Variants in ZNF91 observed in about 807,000 individuals in gnomAD.
ZNF91 encodes zinc finger protein 91 (HPF7, HTF10).
In ZNF91, 7 loss-of-function variants were observed where a neutral mutation model predicts 12.6. The ratio of observed to expected loss-of-function variants is 0.55; its 90% CI spans 0.31 to 1.04. ZNF91 has a LOEUF of 1.04. ZNF91 is among the 50% of genes least tolerant of loss of function. The pLI, the probability that ZNF91 is intolerant of heterozygous loss-of-function variation, is 0.05. For synonymous variants in ZNF91, 453 were observed against 462.6 expected, an observed-to-expected ratio of 0.98 and a Z score of 0.27; for missense variants, 1,217 against 1,385.4, an observed-to-expected ratio of 0.88 and a Z score of 1.93.
chr19:23,352,263 C>T (rs74254896), intron 3 of ZNF91, among the ~76,000 whole-genome samples: 13,920 of 152,084 alleles, frequency 0.092, 864 homozygotes, highest in African/African-American at 0.17. Flanking sequence ...TTATGACTGC[C>T]GGCTTTCCCC....
In ZNF91 at chr19:23,362,109, T is replaced by C; in HGVS notation, c.870A>G (p.Gly290=). ...ATTCTTCACATTTGTAGGGTTTCTC[T>C]CCAGTGTGTATCCTCTTATGTCTAG... ...TLTRHKRIHT[G]EKPYKCEECG... The change falls in exon 4 of 4, where the codon GGA becomes GGG. Residue 290 remains glycine (G), a synonymous_variant. Transcript: ENST00000300619. 2 of 1,614,130 alleles carry C rather than the reference T, an allele frequency of 1.2e-6. No homozygotes were observed. The highest frequency in any genetic ancestry group is 1.7e-6 in the Non-Finnish European group (2 of 1,180,002).
intron 1 of ZNF91, among the ~76,000 whole-genome samples, chr19:23,322,835 ACCTCCTCCTCCACTTCTCCCCCACCT>A (rs1443033700): frequency 1.7e-3 from 20 of 12,054 alleles, no homozygotes; most frequent in African/African-American, 2.6e-3. Context: ...CTTCTCCCCC[ACCTCCTCCTCCACTTCTCCCCCACCT>A]CCTCCTCCAC....
chr19:23,392,970 T>C (rs1269413727), intron 1 of ZNF91, among the ~76,000 whole-genome samples: 1 of 152,174 alleles, frequency 6.6e-6, no homozygotes, highest in Admixed American at 6.5e-5. Context: ...GACTCTGAAC[T>C]ATGCCCCAGT....
chr19:23,350,636 C>T (rs1186760499), intron 3 of ZNF91, among the ~76,000 whole-genome samples: 3 of 152,054 alleles, frequency 2.0e-5, no homozygotes, highest in East Asian at 1.9e-4. Flanking sequence ...GGGGTCTGAA[C>T]GCTTAAGGGA....
chr19:23,382,911 C>T (rs1201049623), intron 1 of ZNF91, among the ~76,000 whole-genome samples: 3 of 152,052 alleles, frequency 2.0e-5, no homozygotes, highest in East Asian at 1.9e-4. Context: ...CACAGGTGGA[C>T]CAGACGTACA....
chr19:23,342,011 G>A (rs1041636142), intron 3 of ZNF91, among the ~76,000 whole-genome samples: 8 of 152,182 alleles, frequency 5.3e-5, no homozygotes, highest in African/African-American at 7.2e-5. Flanking sequence ...AAGGGTATGG[G>A]ACAAAAGATG....
chr19:23,363,999 T>A (rs1158739853), intron 3 of ZNF91, among the ~76,000 whole-genome samples: 1 of 151,456 alleles, frequency 6.6e-6, no homozygotes, highest in African/African-American at 2.4e-5. Context: ...AAAAAAAAAA[T>A]CTTTGAAGCT....
chr19:23,326,995 C>A (rs1032119592), intron 1 of ZNF91: 1 of 152,120 alleles, frequency 6.6e-6, no homozygotes, highest in Non-Finnish European at 1.5e-5. Flanking sequence ...AATAAATGCA[C>A]AGATAAAGGA....
intron 1 of ZNF91, among the ~76,000 whole-genome samples, chr19:23,309,793 G>A (rs192870578): frequency 2.4e-3 from 359 of 152,212 alleles, no homozygotes; most frequent in Non-Finnish European, 3.7e-3. Context: ...CCACTCTCTC[G>A]CATATTGTAT....
At position 23,361,267 on chromosome 19, in the gene ZNF91, T is replaced by C. The variant is rs1203022337; in HGVS notation, c.1712A>G (p.Lys571Arg). The C allele has an allele frequency of 2.5e-6, 4 of 1,613,510 alleles. No individual in the cohort carries two copies. Among genetic ancestry groups the C allele is most frequent in the African/African-American group, 1.3e-5 (1 of 74,914 alleles). Residue 571 changes from lysine to arginine, a missense_variant, in exon 4 of 4, where the codon AAG becomes AGG. Around this residue, in one of 2 missense-constraint regions of ZNF91, gnomAD observed 726 missense variants for 895.5 expected, o/e 0.81. Coordinates refer to ENST00000300619, the MANE Select transcript of ZNF91 (RefSeq NM_003430.4). ...LTTHKIIHAG[K>R]KLYKCEECGK... is the part of the protein sequence containing the mutation. ...ACATTCTTCACATTTGTAGAGTTTC[T>C]TTCCAGCATGAATTATTTTATGTGT...
At chr19:23,312,244 C>T (rs1179949487), upstream of ZNF91, among the ~76,000 whole-genome samples, 1 of 152,186 alleles carries the variant, frequency 6.6e-6, no homozygotes, top group Non-Finnish European at 1.5e-5. Context: ...TGTGATTCTC[C>T]TGCTCACTCC....
chr19:23,354,386 T>G (rs1217756874), downstream of ZNF91, among the ~76,000 whole-genome samples: 1 of 152,094 alleles, frequency 6.6e-6, no homozygotes, highest in Non-Finnish European at 1.5e-5. Flanking sequence ...TCTGAATAGA[T>G]GCAGAAAAAA....
chr19:23,340,723 CTAT>C (rs905051587), intron 3 of ZNF91, among the ~76,000 whole-genome samples: 10 of 150,602 alleles, frequency 6.6e-5, no homozygotes, highest in Admixed American at 5.3e-4. Flanking sequence ...ACAAAGAAAA[CTAT>C]TATTAAATTA....
intron 3 of ZNF91, among the ~76,000 whole-genome samples, chr19:23,371,914 T>A (rs1969293041): frequency 6.6e-6 from 1 of 152,250 alleles, no homozygotes. Context: ...AAAATTACTG[T>A]AATTCAAGTT....
Position 23,385,204 on chromosome 19 carries a change from G to C in ZNF91, c.30+10121C>G, listed in dbSNP as rs1288159777. ...GACTAAGTCAGAGGAGTCCCTCTCT[G>C]ATCTTACAGGTTCCCTCCTCCCCCT... On this transcript the variant is annotated intron_variant, in intron 1 of 3. Transcript: ENST00000300619. 1.1e-5 allele frequency: 7 copies of C among 632,592 alleles called. No homozygotes were observed. In the East Asian group the frequency reaches 1.9e-4, roughly 17 times the overall value. 39.2% of individuals were successfully genotyped at this position (632,592 alleles called of 1,614,324 possible). A position where few individuals can be genotyped will look rare whatever the true frequency, so the allele number is the denominator to read the frequency against.
At chr19:23,352,340 T>G (rs1306160573) in intron 3 of ZNF91, among the ~76,000 whole-genome samples, 1 of 152,132 alleles carries the variant, frequency 6.6e-6, no homozygotes, top group Non-Finnish European at 1.5e-5. Flanking sequence ...AAAACTTTAG[T>G]GACCTGGGAA....
rs774453012 is a variant in ZNF91, at chr19:23,361,113, C to T, written c.1866G>A (p.Arg622=). The change falls in exon 4 of 4, where the codon AGG becomes AGA. Residue 622 remains arginine (R), a synonymous_variant. Coordinates refer to ENST00000300619, the MANE Select transcript of ZNF91 (RefSeq NM_003430.4). ...LWSSTLRRHK[R]IHTGEKPYKC... is the part of the protein sequence containing the mutation. Reference sequence around the variant, plus strand: ...TGTAGGGTTTCTCTCCAGTGTGTATCCTCTTATGTCTTCTTAGGGTTGAGG... The same window carrying T: ...TGTAGGGTTTCTCTCCAGTGTGTATTCTCTTATGTCTTCTTAGGGTTGAGG... 3.7e-6 allele frequency: 6 copies of T among 1,607,054 alleles called. No homozygotes were observed. In the African/African-American group the frequency reaches 4.1e-5, roughly 11 times the overall value.
intron 1 of ZNF91, among the ~76,000 whole-genome samples, chr19:23,393,650 G>A (rs1970140817): frequency 6.6e-6 from 1 of 152,046 alleles, no homozygotes; most frequent in South Asian, 2.1e-4. Flanking sequence ...CTCACAGGGA[G>A]TATTTACCAA....
upstream of ZNF91, among the ~76,000 whole-genome samples, chr19:23,311,602 T>C (rs1326943920): frequency 6.6e-6 from 1 of 152,110 alleles, no homozygotes; most frequent in Non-Finnish European, 1.5e-5. Flanking sequence ...TGCCTGGGCC[T>C]TGCCCACAGG....
Sources: allele counts gnomAD v4.1 joint callset (sites outside exome capture counted in the v4.1 genomes callset), GRCh38; gene constraint gnomAD v4.1.1; regional missense constraint gnomAD v4.1.1; transcripts MANE v1.5; gene names NCBI Gene and HGNC (gene_info 2026-07-23, HGNC 2026-07-21).